Variants in GALNT17 observed in about 807,000 individuals in gnomAD.
The protein encoded by GALNT17 is polypeptide N-acetylgalactosaminyltransferase 17, also known as UDP-GalNAc:polypeptide N-acetylgalactosaminyltransferase-like 3.
Under a neutral mutation model 63.7 loss-of-function variants are expected in GALNT17, and 29 were observed. The ratio of observed to expected loss-of-function variants is 0.46; its 90% CI spans 0.34 to 0.62. The LOEUF is 0.62. Ranked by LOEUF, GALNT17 falls within the 20% of genes least tolerant of loss-of-function variation. GALNT17 has a pLI of 0.01. For synonymous variants in GALNT17, 305 were observed against 318.3 expected, an observed-to-expected ratio of 0.96 and a Z score of 0.45; for missense variants, 603 against 799.6, an observed-to-expected ratio of 0.75 and a Z score of 2.97.
chr7:71,287,459 C>T (rs185747601), intron 1 of GALNT17, among the ~76,000 whole-genome samples: 29 of 152,184 alleles, frequency 1.9e-4, no homozygotes, highest in Admixed American at 1.6e-3. Flanking sequence ...TCCCACCTCC[C>T]TCTCGTCTCA....
At chr7:71,134,007 T>C (rs964125278) in intron 1 of GALNT17, among the ~76,000 whole-genome samples, 1 of 152,222 alleles carries the variant, frequency 6.6e-6, no homozygotes. Flanking sequence ...GAATTCTTGC[T>C]CTGTGCCAGA....
At chr7:71,492,024 G>A (rs1247805896) in intron 5 of GALNT17, among the ~76,000 whole-genome samples, 5 of 152,086 alleles carry the variant, frequency 3.3e-5, no homozygotes, top group Non-Finnish European at 5.9e-5. Context: ...GTTCACACCT[G>A]TAATCCCAGC....
intron 1 of GALNT17, among the ~76,000 whole-genome samples, chr7:71,200,809 T>C (rs1435843684): frequency 6.6e-6 from 1 of 152,142 alleles, no homozygotes; most frequent in East Asian, 1.9e-4. Context: ...ATTAGGTCGT[T>C]TCTATTTTTT....
intron 5 of GALNT17, among the ~76,000 whole-genome samples, chr7:71,557,858 A>T (rs1427659509): frequency 1.3e-5 from 2 of 152,040 alleles, no homozygotes; most frequent in Non-Finnish European, 2.9e-5. Flanking sequence ...GGATCACTTG[A>T]GGTCAGGAGA....
intron 5 of GALNT17, among the ~76,000 whole-genome samples, chr7:71,521,036 G>A (rs1788521848): frequency 6.6e-6 from 1 of 152,210 alleles, no homozygotes; most frequent in African/African-American, 2.4e-5. Context: ...GAGAATGAAA[G>A]CTGCCCATGG....
intron 2 of GALNT17, among the ~76,000 whole-genome samples, chr7:71,345,702 TAATG>T (rs1792078331): frequency 6.6e-6 from 1 of 152,178 alleles, no homozygotes; most frequent in Admixed American, 6.5e-5. Context: ...CCTGGTCTTA[TAATG>T]AATGAGTGGA....
At chr7:71,158,276 G>A (rs953392636) in intron 1 of GALNT17, among the ~76,000 whole-genome samples, 5 of 151,722 alleles carry the variant, frequency 3.3e-5, no homozygotes, top group African/African-American at 1.2e-4. Flanking sequence ...TGGTTTCGTG[G>A]CCAAGGTAGT....
At chr7:71,264,681 A>G (rs1004320089) in intron 1 of GALNT17, among the ~76,000 whole-genome samples, 9 of 152,166 alleles carry the variant, frequency 5.9e-5, no homozygotes, top group African/African-American at 1.7e-4. Context: ...TTGCAGGGAC[A>G]TGGATGGAGC....
At chr7:71,632,905 A>G (rs908111802) in intron 6 of GALNT17, among the ~76,000 whole-genome samples, 1 of 151,984 alleles carries the variant, frequency 6.6e-6, no homozygotes, top group African/African-American at 2.4e-5. Context: ...GGAGGTCGAG[A>G]TCAGCATGGC....
At chr7:71,461,817 G>A (rs1345470775) in intron 5 of GALNT17, among the ~76,000 whole-genome samples, 1 of 152,106 alleles carries the variant, frequency 6.6e-6, no homozygotes, top group Non-Finnish European at 1.5e-5. Flanking sequence ...CCAGCAGGTC[G>A]GCTCATCTTG....
intron 6 of GALNT17, among the ~76,000 whole-genome samples, chr7:71,574,010 G>A (rs1011701296): frequency 4.6e-5 from 7 of 152,140 alleles, no homozygotes; most frequent in African/African-American, 1.7e-4. Flanking sequence ...TTACAGCTGT[G>A]CAGTATTCCA....
intron 1 of GALNT17, among the ~76,000 whole-genome samples, chr7:71,312,815 T>G (rs1791433759): frequency 6.6e-6 from 1 of 152,152 alleles, no homozygotes; most frequent in South Asian, 2.1e-4. Context: ...GGGACAAAAT[T>G]CAGCCCATAA....
rs148904768 is a variant in GALNT17 at position 71,592,681 on chromosome 7, C to T, written c.1080+21279C>T. Among the ~76,000 whole-genome samples the T allele has an allele frequency of 6.0e-3, 914 of 152,180 alleles. 11 individuals are homozygous for T. Among genetic ancestry groups the T allele is most frequent in the African/African-American group, 0.021 (875 of 41,536 alleles). On this transcript the variant is annotated intron_variant, in intron 6 of 10. Coordinates refer to ENST00000333538, the MANE Select transcript of GALNT17 (RefSeq NM_022479.3). ...GAGGAACCTGGATTCATGCATAAAA[C>T]GCCTCTGACATCTCTTTATGATTTT...
At chr7:71,294,557 G>A (rs1265688239) in intron 1 of GALNT17, among the ~76,000 whole-genome samples, 1 of 151,766 alleles carries the variant, frequency 6.6e-6, no homozygotes, top group Non-Finnish European at 1.5e-5. Flanking sequence ...TGGGACTACA[G>A]GTGTGCACCA....
At position 71,710,895 on chromosome 7, in the gene GALNT17, G is replaced by C; in HGVS notation, c.1635G>C (p.Lys545Asn). 6.2e-7 allele frequency: 1 copy of C among 1,613,964 alleles called. No homozygotes were observed. The highest frequency in any genetic ancestry group is 8.5e-7 in the Non-Finnish European group (1 of 1,180,038). ...LPQLLDCDKV[K>N]SSLYKRWNFI... ...AGCTCCTGGACTGCGACAAGGTCAAGAGCAGCCTGTACAAGCGCTGGAACT... is the reference window on the plus strand; with the variant it reads ...AGCTCCTGGACTGCGACAAGGTCAACAGCAGCCTGTACAAGCGCTGGAACT... The change falls in exon 10 of 11, where the codon AAG (lysine) becomes AAC (asparagine). Residue 545 changes from lysine to asparagine, a missense_variant. Around this residue, in one of 3 missense-constraint regions of GALNT17, gnomAD observed 72 missense variants for 76.9 expected, o/e 0.94. Coordinates refer to ENST00000333538, the MANE Select transcript of GALNT17 (RefSeq NM_022479.3).
At chr7:71,608,301 G>A (rs1255330985) in intron 6 of GALNT17, among the ~76,000 whole-genome samples, 1 of 152,078 alleles carries the variant, frequency 6.6e-6, no homozygotes, top group African/African-American at 2.4e-5. Context: ...CTGGAGTGAT[G>A]GATACTGTTT....
intron 5 of GALNT17, among the ~76,000 whole-genome samples, chr7:71,436,668 G>C (rs1005764579): frequency 2.7e-5 from 4 of 150,036 alleles, no homozygotes; most frequent in African/African-American, 9.7e-5. Flanking sequence ...GCAGTGAGCT[G>C]AGATCGCACC....
intron 1 of GALNT17, among the ~76,000 whole-genome samples, chr7:71,248,327 C>T (rs1790137730): frequency 6.6e-6 from 1 of 152,110 alleles, no homozygotes; most frequent in Non-Finnish European, 1.5e-5. Flanking sequence ...GTGGGTATTA[C>T]AATTTGAGAT....
intron 1 of GALNT17, among the ~76,000 whole-genome samples, chr7:71,220,349 A>G (rs904084886): frequency 1.3e-5 from 2 of 152,186 alleles, no homozygotes; most frequent in African/African-American, 2.4e-5. Flanking sequence ...GCTTCAGTTT[A>G]TCTTGGCACC....
Sources: allele counts gnomAD v4.1 joint callset (sites outside exome capture counted in the v4.1 genomes callset), GRCh38; gene constraint gnomAD v4.1.1; regional missense constraint gnomAD v4.1.1; transcripts MANE v1.5; gene names NCBI Gene and HGNC (gene_info 2026-07-23, HGNC 2026-07-21).